The following GPHN variants were observed in gnomAD, a reference collection of about 807,000 sequenced individuals.
The protein encoded by GPHN is gephyrin.
Under a neutral mutation model 95.5 loss-of-function variants are expected in GPHN, and 17 were observed. That is an observed-to-expected ratio of 0.18 (90% CI 0.12 to 0.27). The LOEUF is 0.27. Among genes scored for constraint, GPHN ranks in the 10% least tolerant of loss-of-function variants. GPHN has a pLI of 1.00. For missense variants in GPHN, 660 were observed against 978.1 expected (o/e 0.67, Z 4.34); for synonymous variants, 320 against 322.5 (o/e 0.99, Z 0.08).
intron 5 of GPHN, among the ~76,000 whole-genome samples, chr14:66,889,545 A>G (rs2064365374): frequency 6.6e-6 from 1 of 152,182 alleles, no homozygotes; most frequent in Non-Finnish European, 1.5e-5. Context: ...CATAAGGGAA[A>G]TTAGAAAATA....
rs141394851 is a variant in GPHN, at chr14:66,572,793, G to A, written c.64+64202G>A. Among the ~76,000 whole-genome samples the A allele has an allele frequency of 4.6e-5, 7 of 152,044 alleles. No homozygotes were observed. The East Asian group carries it at 1.2e-3, about 25-fold the overall frequency. On this transcript the variant is annotated intron_variant, in intron 1 of 22. Transcript: ENST00000478722. ...TCTAACAAAGACTTCCATTAACTACGTTGAATAGAAGTCGTGAGAGTGGGT... is the reference window on the plus strand; with the variant it reads ...TCTAACAAAGACTTCCATTAACTACATTGAATAGAAGTCGTGAGAGTGGGT...
chr14:66,515,568 T>TA (rs925307235), intron 1 of GPHN, among the ~76,000 whole-genome samples: 1 of 152,136 alleles, frequency 6.6e-6, no homozygotes, highest in Non-Finnish European at 1.5e-5. Flanking sequence ...AAATTATAGG[T>TA]AAAAAAATTC....
the GPHN span, chr14:67,382,413 C>T: frequency 1.8e-5 from 28 of 1,584,316 alleles, no homozygotes; most frequent in Admixed American, 5.2e-5. Flanking sequence ...TCTGTAGGTA[C>T]ATTCATAAAT....
At chr14:66,671,700 G>T (rs993245701) in intron 1 of GPHN, among the ~76,000 whole-genome samples, 1 of 151,976 alleles carries the variant, frequency 6.6e-6, no homozygotes, top group African/African-American at 2.4e-5. Context: ...AACTTTGATG[G>T]TGTCTTTAAG....
At chr14:66,723,599 A>G (rs2070955491) in intron 2 of GPHN, among the ~76,000 whole-genome samples, 1 of 152,122 alleles carries the variant, frequency 6.6e-6, no homozygotes, top group Non-Finnish European at 1.5e-5. Context: ...AAGTGTATAC[A>G]TCAATTCATT....
chr14:67,551,750 G>A, the GPHN span, among the ~76,000 whole-genome samples: 1 of 152,096 alleles, frequency 6.6e-6, no homozygotes, highest in Admixed American at 6.5e-5. Context: ...TTAGCCAGGC[G>A]TGGTGGTGCA....
chr14:67,124,280 C>T (rs1292708572), intron 17 of GPHN, among the ~76,000 whole-genome samples: 1 of 151,788 alleles, frequency 6.6e-6, no homozygotes. Context: ...GTGGTGCGCA[C>T]CTGTAATCCC....
At chr14:67,499,192 T>A in the GPHN span, among the ~76,000 whole-genome samples, 22 of 151,794 alleles carry the variant, frequency 1.4e-4, no homozygotes, top group African/African-American at 5.3e-4. Flanking sequence ...TTTGTAGATA[T>A]GGGGTCCTGC....
intron 2 of GPHN, among the ~76,000 whole-genome samples, chr14:66,707,841 G>A (rs939575151): frequency 1.3e-5 from 2 of 152,070 alleles, no homozygotes; most frequent in African/African-American, 4.8e-5. Context: ...ACAAAGTGAT[G>A]TTTCAATGTA....
chr14:66,965,387 A>C, intron 9 of GPHN, 62 bp downstream of exon 9: 1 of 1,415,680 alleles, frequency 7.1e-7, no homozygotes, highest in Non-Finnish European at 1.0e-6. Context: ...AAAACTAACC[A>C]ATATTTCCTC....
the GPHN span, among the ~76,000 whole-genome samples, chr14:67,679,030 T>A: frequency 6.6e-6 from 1 of 152,142 alleles, no homozygotes; most frequent in African/African-American, 2.4e-5. Flanking sequence ...ACTGGGTAAC[T>A]ATAATGAGCA....
chr14:66,542,528 C>G (rs1220338682), intron 1 of GPHN, among the ~76,000 whole-genome samples: 1 of 152,192 alleles, frequency 6.6e-6, no homozygotes, highest in Non-Finnish European at 1.5e-5. Flanking sequence ...TTTTCTATAA[C>G]CAATCCCTTC....
intron 8 of GPHN, among the ~76,000 whole-genome samples, chr14:66,945,392 C>T (rs2067689204): frequency 6.6e-6 from 1 of 152,116 alleles, no homozygotes; most frequent in Admixed American, 6.5e-5. Flanking sequence ...CAGGGAACCT[C>T]CACCTTATCT....
At chr14:67,409,171 A>C in the GPHN span, among the ~76,000 whole-genome samples, 1,985 of 152,116 alleles carry the variant, frequency 0.013, 19 homozygotes, top group Non-Finnish European at 0.018. Flanking sequence ...TGAGCCTGGG[A>C]GGTCAAGGCT....
intron 2 of GPHN, among the ~76,000 whole-genome samples, chr14:66,707,714 G>A (rs1354880156): frequency 1.3e-5 from 2 of 152,002 alleles, no homozygotes; most frequent in Admixed American, 6.6e-5. Flanking sequence ...AATAGGTGCA[G>A]TAAATCACTG....
At chr14:67,628,839 A>C in the GPHN span, among the ~76,000 whole-genome samples, 2 of 152,226 alleles carry the variant, frequency 1.3e-5, no homozygotes, top group African/African-American at 2.4e-5. Flanking sequence ...AAAATTAAAA[A>C]TAGAATTACT....
intron 1 of GPHN, among the ~76,000 whole-genome samples, chr14:66,642,885 C>T (rs1390255084): frequency 6.6e-6 from 1 of 151,798 alleles, no homozygotes; most frequent in Non-Finnish European, 1.5e-5. Flanking sequence ...AAAAATAAAG[C>T]TTTTAGATGG....
At chr14:66,562,053 C>T (rs946033574) in intron 1 of GPHN, among the ~76,000 whole-genome samples, 3 of 152,240 alleles carry the variant, frequency 2.0e-5, no homozygotes, top group Non-Finnish European at 2.9e-5. Flanking sequence ...CTTTTAAGGA[C>T]TCGTGATGAG....
intron 2 of GPHN, among the ~76,000 whole-genome samples, chr14:66,704,122 A>C (rs372958326): frequency 1.3e-5 from 2 of 152,202 alleles, no homozygotes; most frequent in Non-Finnish European, 2.9e-5. Flanking sequence ...AGAGCTGACT[A>C]TTCTAAATAT....
Sources: gnomAD v4.1 joint callset for allele counts (sites outside exome capture counted in the v4.1 genomes callset) on GRCh38, gnomAD v4.1.1 for gene constraint, MANE v1.5 for transcripts, NCBI Gene and HGNC (gene_info 2026-07-23, HGNC 2026-07-21) for gene names.